RBM25: variants seen among roughly 807,000 people sequenced by gnomAD.
The protein encoded by RBM25 is RNA-binding protein 25.
Under a neutral mutation model 120.7 loss-of-function variants are expected in RBM25, and 19 were observed. The ratio of observed to expected loss-of-function variants is 0.16; its 90% CI spans 0.11 to 0.23. The LOEUF is 0.23. Ranked by LOEUF, RBM25 falls within the 10% of genes least tolerant of loss-of-function variation. The probability of loss-of-function intolerance (pLI) is 1.00; values close to 1 mark genes in which losing one functional copy is unlikely to be tolerated. For synonymous variants in RBM25, 390 were observed against 326.7 expected (o/e 1.19, Z -2.09); for missense variants, 605 against 1,041.5 (o/e 0.58, Z 5.77).
chr14:73,094,101 G>A (rs148272349), intron 6 of RBM25, among the ~76,000 whole-genome samples: 2,311 of 150,920 alleles, frequency 0.015, 60 homozygotes, highest in African/African-American at 0.053. Context: ...ACAGGTGCCC[G>A]CCACCACGCC....
intron 1 of RBM25, chr14:73,068,234 G>A (rs1566581301): frequency 1.0e-5 from 9 of 871,948 alleles, no homozygotes; most frequent in Non-Finnish European, 1.4e-5. Context: ...GATGAGAAAT[G>A]CCTCTTTAAT....
rs762177452 is a variant in RBM25 at position 73,111,739 on chromosome 14, G to A, written c.2229G>A (p.Glu743=). ...GTAAACACATTAAGAGTCTCATTGA[G>A]AAAATCCCTACAGCCAAACCTGAGC... ...EKRKHIKSLI[E]KIPTAKPELF... The change falls in exon 16 of 19, where the codon GAG becomes GAA. Residue 743 remains glutamate, a synonymous_variant. Transcript: ENST00000261973. The A allele has an allele frequency of 6.2e-7, 1 of 1,613,946 alleles. No individual in the cohort carries two copies. Among genetic ancestry groups the A allele is most frequent in the South Asian group, 1.1e-5 (1 of 91,018 alleles).
At chr14:73,087,465 G>A (rs1594912949) in intron 5 of RBM25, among the ~76,000 whole-genome samples, 1 of 149,296 alleles carries the variant, frequency 6.7e-6, no homozygotes, top group South Asian at 2.1e-4. Context: ...GCGCTATCTC[G>A]GCTCACTGCA....
intron 14 of RBM25, 44 bp from the exon 15 acceptor site, chr14:73,110,787 A>G (rs2140462216): frequency 6.5e-7 from 1 of 1,549,462 alleles, no homozygotes; most frequent in Non-Finnish European, 8.7e-7. Context: ...ATCAAGTTGA[A>G]TGGTGTAGAG....
At position 73,086,384 on chromosome 14, in the gene RBM25, G is replaced by A. The variant is rs532942760; in HGVS notation, c.383-1617G>A. 3.3e-5 allele frequency among the ~76,000 whole-genome samples: 5 copies of A among 151,322 alleles called. No homozygotes were observed. In the South Asian group the frequency reaches 1.0e-3, roughly 32 times the overall value. On this transcript the variant is annotated intron_variant, in intron 5 of 18. Coordinates refer to ENST00000261973, the MANE Select transcript of RBM25 (RefSeq NM_021239.3). ...ACCCGGGAGGCAGAGTTTGCAGTGA[G>A]CCGAGATTGCACCACTACACTCCAG...
At chr14:73,096,228 C>T (rs373612140) in intron 6 of RBM25, among the ~76,000 whole-genome samples, 13 of 152,252 alleles carry the variant, frequency 8.5e-5, no homozygotes, top group Middle Eastern at 3.4e-3. Flanking sequence ...GCCCCCGCCT[C>T]GGCCTCCCAT....
chr14:73,115,153 C>CGTGTGTGTGTGTGTGTGTGTGT (rs33924709), intron 18 of RBM25, among the ~76,000 whole-genome samples: 3 of 146,678 alleles, frequency 2.0e-5, no homozygotes, highest in Admixed American at 6.8e-5. Context: ...GGAACTGATA[C>CGTGTGTGTGTGTGTGTGTGTGT]GTGTGTGTGT....
At chr14:73,072,051 C>T (rs181640744) in intron 2 of RBM25, among the ~76,000 whole-genome samples, 3 of 152,098 alleles carry the variant, frequency 2.0e-5, no homozygotes, top group African/African-American at 7.2e-5. Flanking sequence ...CCGCTCACTG[C>T]AACCTCCACC....
chr14:73,114,996 G>C (rs548955443), intron 18 of RBM25, among the ~76,000 whole-genome samples: 1 of 152,354 alleles, frequency 6.6e-6, no homozygotes, highest in South Asian at 2.1e-4. Flanking sequence ...CAAATGACCT[G>C]TAGTAGCAGA....
At chr14:73,104,958 T>C (rs564011382) in intron 10 of RBM25, among the ~76,000 whole-genome samples, 6 of 151,760 alleles carry the variant, frequency 4.0e-5, no homozygotes, top group African/African-American at 1.5e-4. Context: ...CATTGAGAGG[T>C]TGGTATGTGT....
intron 3 of RBM25, 126 bp downstream of exon 3, chr14:73,076,494 C>A: frequency 1.3e-6 from 1 of 789,864 alleles, no homozygotes; most frequent in Non-Finnish European, 2.0e-6. Context: ...TGACAGCACC[C>A]CTGTAGAGCA....
intron 14 of RBM25, among the ~76,000 whole-genome samples, chr14:73,109,875 AT>A (rs1896271830): frequency 6.6e-6 from 1 of 151,216 alleles, no homozygotes; most frequent in Admixed American, 6.6e-5. Flanking sequence ...TAATTTTTGT[AT>A]TTTTATTTTT....
chr14:73,088,290 G>A, intron 6 of RBM25, 129 bp downstream of exon 6: 4 of 1,192,642 alleles, frequency 3.4e-6, no homozygotes, highest in Non-Finnish European at 4.9e-6. Flanking sequence ...CTTAATGTAG[G>A]AGGGTATTTT....
chr14:73,082,630 ACCTGCCCT>A (rs1447874464), intron 4 of RBM25, among the ~76,000 whole-genome samples: 1 of 152,178 alleles, frequency 6.6e-6, no homozygotes, highest in Non-Finnish European at 1.5e-5. Flanking sequence ...CGTTCAGATA[ACCTGCCCT>A]CCTTCACATT....
intron 12 of RBM25, chr14:73,107,545 C>A: frequency 3.3e-6 from 1 of 302,076 alleles, no homozygotes; most frequent in South Asian, 4.5e-5. Flanking sequence ...ATAATAAAAA[C>A]ACCGTTTCCC....
chr14:73,086,906 T>C (rs994740699), intron 5 of RBM25, among the ~76,000 whole-genome samples: 6 of 152,162 alleles, frequency 3.9e-5, no homozygotes, highest in African/African-American at 1.4e-4. Context: ...GGTTTCACCA[T>C]GTTGGCCAGG....
chr14:73,118,479 GA>G (rs79313770), intron 18 of RBM25, among the ~76,000 whole-genome samples: 30 of 123,312 alleles, frequency 2.4e-4, no homozygotes, highest in East Asian at 4.5e-4. Flanking sequence ...CCTGTCTCCA[GA>G]AAAAAAAAAA....
chr14:73,076,935 T>C (rs1895436090), intron 3 of RBM25, among the ~76,000 whole-genome samples: 2 of 152,168 alleles, frequency 1.3e-5, no homozygotes, highest in South Asian at 4.1e-4. Flanking sequence ...CAAAAAATTA[T>C]CTAGGCTTGG....
chr14:73,059,581 C>T (rs1031119796), intron 1 of RBM25, among the ~76,000 whole-genome samples: 2 of 152,090 alleles, frequency 1.3e-5, no homozygotes, highest in African/African-American at 4.8e-5. Context: ...GAGATTGGAC[C>T]TCTGTTGCAC....
Sources: allele counts gnomAD v4.1 joint callset (sites outside exome capture counted in the v4.1 genomes callset), GRCh38; gene constraint gnomAD v4.1.1; transcripts MANE v1.5; gene names NCBI Gene and HGNC (gene_info 2026-07-23, HGNC 2026-07-21).